The following GAS2 variants were observed in gnomAD, a reference collection of about 807,000 sequenced individuals.
GAS2 encodes growth arrest-specific protein 2.
A neutral mutation model predicts 37.5 loss-of-function variants in GAS2; 20 were observed. The observed-to-expected ratio is 0.53, with a 90% CI of 0.37 to 0.77. GAS2 has a LOEUF of 0.77. GAS2 is among the 30% of genes least tolerant of loss of function. The pLI, the probability that GAS2 is intolerant of heterozygous loss-of-function variation, is 0.00. For synonymous variants in GAS2, 144 were observed against 132.2 expected, an observed-to-expected ratio of 1.09 and a Z score of -0.61; for missense variants, 336 against 373.4, an observed-to-expected ratio of 0.90 and a Z score of 0.82.
At chr11:22,648,877 C>T (rs944520250) in intron 1 of GAS2, among the ~76,000 whole-genome samples, 8 of 152,138 alleles carry the variant, frequency 5.3e-5, no homozygotes, top group Non-Finnish European at 1.0e-4. Flanking sequence ...GACAATTTGA[C>T]TTCATCTTTT....
chr11:22,766,203 C>T (rs1019803356), intron 7 of GAS2, among the ~76,000 whole-genome samples: 12 of 151,540 alleles, frequency 7.9e-5, no homozygotes, highest in Non-Finnish European at 1.3e-4. Flanking sequence ...TCACCAAATG[C>T]TTTCTGTGTA....
chr11:22,672,565 T>G (rs547394238), intron 1 of GAS2: 2 of 152,156 alleles, frequency 1.3e-5, no homozygotes, highest in Non-Finnish European at 2.9e-5. Context: ...TAAATGGAAG[T>G]CACAGAGCAC....
chr11:22,778,269 G>T (rs1446456865), intron 7 of GAS2, among the ~76,000 whole-genome samples: 1 of 152,156 alleles, frequency 6.6e-6, no homozygotes, highest in Non-Finnish European at 1.5e-5. Context: ...GTTTTAGAGG[G>T]CTGATTATTC....
chr11:22,747,135 G>A (rs1853451731), intron 5 of GAS2, among the ~76,000 whole-genome samples: 1 of 152,134 alleles, frequency 6.6e-6, no homozygotes, highest in Non-Finnish European at 1.5e-5. Context: ...AGCCTTATAT[G>A]CAGTTAGGGA....
At chr11:22,789,655 CGG>C (rs1564890057) in intron 7 of GAS2, among the ~76,000 whole-genome samples, 1 of 149,804 alleles carries the variant, frequency 6.7e-6, no homozygotes, top group Non-Finnish European at 1.5e-5. Flanking sequence ...TTAGTAGAGA[CGG>C]GGTTTCACCG....
At chr11:22,783,588 T>G (rs575393966) in intron 7 of GAS2, among the ~76,000 whole-genome samples, 1 of 152,278 alleles carries the variant, frequency 6.6e-6, no homozygotes, top group South Asian at 2.1e-4. Context: ...TTCCAGTGAC[T>G]TTTGAAGTAG....
chr11:22,698,644 A>C (rs1031460061), intron 3 of GAS2, among the ~76,000 whole-genome samples: 1 of 150,236 alleles, frequency 6.7e-6, no homozygotes, highest in Non-Finnish European at 1.5e-5. Context: ...AACCGAATCC[A>C]GCAGCACATC....
intron 3 of GAS2, among the ~76,000 whole-genome samples, chr11:22,689,182 G>T (rs950827333): frequency 1.3e-5 from 2 of 152,074 alleles, no homozygotes; most frequent in African/African-American, 4.8e-5. Flanking sequence ...TGGGTTCTAT[G>T]CTCACTATCT....
chr11:22,647,103 T>A (rs1448718870), intron 1 of GAS2, among the ~76,000 whole-genome samples: 2 of 117,792 alleles, frequency 1.7e-5, no homozygotes, highest in Non-Finnish European at 3.3e-5. Context: ...CCCCAGAGTG[T>A]GATGTTCCCC....
chr11:22,674,398 G>A (rs1849331056), intron 1 of GAS2, among the ~76,000 whole-genome samples: 1 of 151,942 alleles, frequency 6.6e-6, no homozygotes, highest in Non-Finnish European at 1.5e-5. Context: ...TATTTTTAAG[G>A]GTAATGATCA....
chr11:22,648,113 A>G (rs1387050907), intron 1 of GAS2, among the ~76,000 whole-genome samples: 1 of 152,190 alleles, frequency 6.6e-6, no homozygotes, highest in East Asian at 1.9e-4. Flanking sequence ...AGGTGTAAGG[A>G]AGGAATCCAG....
intron 3 of GAS2, among the ~76,000 whole-genome samples, chr11:22,705,158 T>A (rs1177862942): frequency 1.3e-5 from 2 of 152,160 alleles, no homozygotes; most frequent in African/African-American, 4.8e-5. Context: ...GCACTGTTCC[T>A]TGGTGACCTT....
chr11:22,640,938 G>A (rs1186183256), intron 1 of GAS2, among the ~76,000 whole-genome samples: 2 of 151,922 alleles, frequency 1.3e-5, no homozygotes, highest in Admixed American at 6.6e-5. Flanking sequence ...GTGTAAATAG[G>A]ACTGGGAGAA....
intron 7 of GAS2, among the ~76,000 whole-genome samples, chr11:22,759,577 AT>A (rs1299696506): frequency 6.6e-6 from 1 of 152,150 alleles, no homozygotes; most frequent in Non-Finnish European, 1.5e-5. Flanking sequence ...AATGCAGCTA[AT>A]TTTTATCTAT....
chr11:22,639,027 T>C (rs1472633208), intron 1 of GAS2, among the ~76,000 whole-genome samples: 2 of 152,092 alleles, frequency 1.3e-5, no homozygotes, highest in Non-Finnish European at 2.9e-5. Context: ...TAGTGGCAAC[T>C]ATAAAGAGCA....
chr11:22,678,326 A>G (rs1378626196), intron 2 of GAS2, among the ~76,000 whole-genome samples: 1 of 152,160 alleles, frequency 6.6e-6, no homozygotes, highest in East Asian at 1.9e-4. Context: ...TTTAGTATTC[A>G]CATACTTTGG....
upstream of GAS2, among the ~76,000 whole-genome samples, chr11:22,663,328 CTG>C (rs1848936095): frequency 6.6e-6 from 1 of 151,686 alleles, no homozygotes. Context: ...TACCGTGACA[CTG>C]AGATGGGAGG....
intron 7 of GAS2, among the ~76,000 whole-genome samples, chr11:22,765,736 G>C (rs1854654338): frequency 1.3e-5 from 2 of 151,252 alleles, no homozygotes; most frequent in African/African-American, 4.9e-5. Context: ...CCGAGATCGT[G>C]CCACTGCACT....
intron 3 of GAS2, among the ~76,000 whole-genome samples, chr11:22,686,804 A>G (rs1288730391): frequency 6.6e-6 from 1 of 152,000 alleles, no homozygotes; most frequent in African/African-American, 2.4e-5. Flanking sequence ...AGCAACTGTT[A>G]AGCCTTTTCT....
Sources: allele counts gnomAD v4.1 joint callset (sites outside exome capture counted in the v4.1 genomes callset), GRCh38; gene constraint gnomAD v4.1.1; transcripts MANE v1.5; gene names NCBI Gene and HGNC (gene_info 2026-07-23, HGNC 2026-07-21).